NALF1: variants seen among roughly 807,000 people sequenced by gnomAD.
NALF1 encodes family with sequence similarity 155 member A.
NALF1 carries 3 observed loss-of-function variants against 48.4 expected under a neutral mutation model. The ratio of observed to expected loss-of-function variants is 0.06; its 90% confidence interval spans 0.03 to 0.16. The LOEUF is 0.16. NALF1 is among the 10% of genes least tolerant of loss of function. NALF1 has a pLI of 1.00. For missense variants in NALF1, 526 were observed against 571.5 expected (o/e 0.92, Z 0.81); for synonymous variants, 262 against 245.7 (o/e 1.07, Z -0.62).
intron 1 of NALF1, among the ~76,000 whole-genome samples, chr13:107,404,754 T>G (rs1186280851): frequency 6.6e-6 from 1 of 152,118 alleles, no homozygotes; most frequent in Non-Finnish European, 1.5e-5. Flanking sequence ...AGAACTATAT[T>G]CAGGACCTTT....
At chr13:107,449,275 C>T (rs955276149) in intron 1 of NALF1, among the ~76,000 whole-genome samples, 1 of 151,868 alleles carries the variant, frequency 6.6e-6, no homozygotes, top group East Asian at 1.9e-4. Flanking sequence ...GAACATCACA[C>T]GGGTGCAGTG....
rs182222079 is a variant in NALF1, at chr13:107,303,681, C to T, written c.916-92926G>A. Reference sequence around the variant, plus strand: ...CATTCCTGTGACACAATTACATAGCCTATGGCCACATTAATGAATAAAATT... The same window carrying T: ...CATTCCTGTGACACAATTACATAGCTTATGGCCACATTAATGAATAAAATT... On this transcript the variant is annotated intron_variant, in intron 1 of 2. Transcript: ENST00000375915. 2.6e-3 allele frequency among the ~76,000 whole-genome samples: 393 copies of T among 152,206 alleles called. 2 individuals are homozygous for T. The highest frequency in any genetic ancestry group is 9.2e-3 in the African/African-American group (382 of 41,524).
At chr13:107,664,213 C>T (rs1202021444) in intron 1 of NALF1, among the ~76,000 whole-genome samples, 3 of 152,132 alleles carry the variant, frequency 2.0e-5, no homozygotes, top group Non-Finnish European at 4.4e-5. Flanking sequence ...TAATGAATAG[C>T]CTCTACACTT....
chr13:107,733,045 C>T lies in NALF1; in HGVS notation c.915+132637G>A, dbSNP rs1275014336. ...AATATAAAGAATGTATGAAATAAAT[C>T]GGCACCCTGGAAAAGAAGGGACACT... is the stretch of plus-strand genomic sequence containing the variant. On this transcript the variant is annotated intron_variant, in intron 1 of 2. Coordinates refer to ENST00000375915, the MANE Select transcript of NALF1 (RefSeq NM_001080396.3). 4.6e-5 allele frequency among the ~76,000 whole-genome samples: 7 copies of T among 152,140 alleles called. No homozygotes were observed. The East Asian group carries it at 1.4e-3, about 29-fold the overall frequency.
chr13:107,775,363 T>C (rs868796139), intron 1 of NALF1, among the ~76,000 whole-genome samples: 3,813 of 142,148 alleles, frequency 0.027, 103 homozygotes, highest in African/African-American at 0.082. Flanking sequence ...ATTTCATCCA[T>C]GTCCCTACAA....
intron 1 of NALF1, among the ~76,000 whole-genome samples, chr13:107,519,106 A>C (rs1185164987): frequency 1.1e-5 from 1 of 88,060 alleles, no homozygotes; most frequent in Non-Finnish European, 3.3e-5. Context: ...ATAGCTGATA[A>C]AAATCACTAA....
intron 1 of NALF1, among the ~76,000 whole-genome samples, chr13:107,211,197 C>T (rs1009744062): frequency 2.6e-4 from 40 of 152,170 alleles, no homozygotes; most frequent in African/African-American, 8.7e-4. Flanking sequence ...CTAGATGGCG[C>T]GAAGCACTTT....
At chr13:107,256,856 G>A (rs7338230) in intron 1 of NALF1, among the ~76,000 whole-genome samples, 17,223 of 152,206 alleles carry the variant, frequency 0.11, 1,149 homozygotes, top group African/African-American at 0.17. Context: ...TAAAGTGCAT[G>A]CTACACATCC....
rs36079800 is a variant in NALF1, at chr13:107,392,679, A to ATG, written c.916-181926_916-181925dup. On this transcript the variant is annotated intron_variant, in intron 1 of 2. Coordinates refer to ENST00000375915, the MANE Select transcript of NALF1 (RefSeq NM_001080396.3). ...TATATCAAAGATTCTTTCTCCAAGC[A>ATG]TGTGTGTGTGTGTGCGCGTGCATGC... Among the ~76,000 whole-genome samples the ATG allele has an allele frequency of 1.0e-2, 1,512 of 151,786 alleles. 23 individuals are homozygous for ATG. The highest frequency in any genetic ancestry group is 0.033 in the African/African-American group (1,370 of 41,466).
At chr13:107,302,715 A>C (rs1378439344) in intron 1 of NALF1, among the ~76,000 whole-genome samples, 2 of 152,252 alleles carry the variant, frequency 1.3e-5, no homozygotes, top group Non-Finnish European at 2.9e-5. Context: ...TTGAATCTGA[A>C]TTGGATCAAG....
chr13:107,555,918 C>G (rs900942836), intron 1 of NALF1, among the ~76,000 whole-genome samples: 4 of 151,932 alleles, frequency 2.6e-5, no homozygotes, highest in Admixed American at 1.3e-4. Flanking sequence ...TTGTTGAAAT[C>G]AAACTAAGAG....
chr13:107,755,133 T>G (rs1023481852), intron 1 of NALF1, among the ~76,000 whole-genome samples: 22 of 152,202 alleles, frequency 1.4e-4, no homozygotes, highest in African/African-American at 4.1e-4. Flanking sequence ...TTGTTATTTT[T>G]TTTTTGCTTG....
chr13:107,812,436 A>C (rs1048377720), intron 1 of NALF1, among the ~76,000 whole-genome samples: 20 of 152,166 alleles, frequency 1.3e-4, no homozygotes, highest in African/African-American at 4.8e-4. Context: ...ATGTGCAAAG[A>C]ATATACAACA....
At chr13:107,411,227 C>T (rs1883983687) in intron 1 of NALF1, among the ~76,000 whole-genome samples, 1 of 151,548 alleles carries the variant, frequency 6.6e-6, no homozygotes, top group Non-Finnish European at 1.5e-5. Context: ...TTGCAGTGCT[C>T]AGAATACATT....
intron 1 of NALF1, among the ~76,000 whole-genome samples, chr13:107,298,995 T>C (rs937471705): frequency 3.3e-5 from 5 of 152,172 alleles, no homozygotes; most frequent in African/African-American, 9.7e-5. Flanking sequence ...TCCTATACTC[T>C]ATTTAGTTTT....
chr13:107,188,213 T>C (rs1034308136), intron 2 of NALF1, among the ~76,000 whole-genome samples: 3 of 152,180 alleles, frequency 2.0e-5, no homozygotes, highest in South Asian at 4.1e-4. Context: ...TCATTTTATA[T>C]TTGCTATGAT....
chr13:107,627,632 C>A (rs975191763), intron 1 of NALF1, among the ~76,000 whole-genome samples: 22 of 152,030 alleles, frequency 1.4e-4, no homozygotes, highest in African/African-American at 4.8e-4. Context: ...AAAGCCCGCA[C>A]ATAAGGCTTT....
At chr13:107,716,731 C>T (rs936775959) in intron 1 of NALF1, among the ~76,000 whole-genome samples, 1 of 152,196 alleles carries the variant, frequency 6.6e-6, no homozygotes, top group African/African-American at 2.4e-5. Flanking sequence ...GGTTATCACA[C>T]AGCTGTTGCA....
chr13:107,226,381 C>G (rs1880108268), intron 1 of NALF1, among the ~76,000 whole-genome samples: 1 of 152,186 alleles, frequency 6.6e-6, no homozygotes, highest in East Asian at 1.9e-4. Flanking sequence ...ATAACGTTAA[C>G]TATACATTTA....
Sources: gnomAD v4.1 joint callset for allele counts (sites outside exome capture counted in the v4.1 genomes callset) on GRCh38, gnomAD v4.1.1 for gene constraint, MANE v1.5 for transcripts, NCBI Gene and HGNC (gene_info 2026-07-23, HGNC 2026-07-21) for gene names.